Variants in COG1 observed in about 807,000 individuals in gnomAD.
COG1 encodes the protein component of oligomeric golgi complex 1.
A neutral mutation model predicts 102.2 loss-of-function variants in COG1; 61 were observed. The ratio of observed to expected loss-of-function variants is 0.60; its 90% CI spans 0.49 to 0.74. The LOEUF is 0.74. Among genes scored for constraint, COG1 ranks in the 30% least tolerant of loss-of-function variants. COG1 has a pLI of 0.00. For missense variants in COG1, 1,164 were observed against 1,232.1 expected (o/e 0.94, Z 0.83); for synonymous variants, 454 against 493.6 (o/e 0.92, Z 1.06).
At position 73,200,028 on chromosome 17, in the gene COG1, A is replaced by G; in HGVS notation, c.1070+7A>G. 2.5e-6 allele frequency: 4 copies of G among 1,609,112 alleles called. No homozygotes were observed. Among genetic ancestry groups the G allele is most frequent in the South Asian group, 1.1e-5 (1 of 90,100 alleles). ...TGCAGAAATGGATCCACATGTAAGT[A>G]ACCAGAAAGAGCTTCCCTGCAGCTG... On this transcript the variant is annotated splice_region_variant and intron_variant, in intron 5 of 13. Transcript: ENST00000299886.
intron 7 of COG1, among the ~76,000 whole-genome samples, chr17:73,202,751 G>A (rs950852746): frequency 1.3e-5 from 2 of 152,158 alleles, no homozygotes; most frequent in African/African-American, 4.8e-5. Flanking sequence ...TTGTGCCACT[G>A]CAATCAGCCT....
chr17:73,207,931 G>GTT, intron 13 of COG1: 2 of 1,183,270 alleles, frequency 1.7e-6, no homozygotes, highest in Non-Finnish European at 1.1e-6. Context: ...GGAGATGGTA[G>GTT]TTTAAAAAAA....
At chr17:73,207,069 G>A (rs937530794) in intron 12 of COG1, 112 bp from the exon 13 acceptor site, 2 of 941,058 alleles carry the variant, frequency 2.1e-6, no homozygotes, top group Non-Finnish European at 1.6e-6. Flanking sequence ...CTCCAGCCTG[G>A]GCGACAGAAC....
intron 9 of COG1, 83 bp from the exon 10 acceptor site, chr17:73,205,470 T>C: frequency 1.3e-6 from 2 of 1,499,232 alleles, no homozygotes; most frequent in Non-Finnish European, 1.9e-6. Flanking sequence ...AAGCTGAAAC[T>C]CAACCAAAAC....
chr17:73,207,908 G>A lies in COG1; in HGVS notation c.2806-406G>A, dbSNP rs560309960. 6.3e-5 allele frequency: 74 copies of A among 1,183,898 alleles called. No homozygotes were observed. The African/African-American group carries it at 1.1e-3, about 18-fold the overall frequency. 73.3% of individuals were successfully genotyped at this position (1,183,898 alleles called of 1,614,324 possible). A position where few individuals can be genotyped will look rare whatever the true frequency, so the allele number is the denominator to read the frequency against. ...ATCTAAAATCCTTGTCAAGTATCTG[G>A]CTTTAAAAGTTGGGAGATGGTAGTT... On this transcript the variant is annotated intron_variant, in intron 13 of 13. Transcript: ENST00000299886.
chr17:73,198,196 G>A (rs1306456543), intron 4 of COG1, among the ~76,000 whole-genome samples: 5 of 151,880 alleles, frequency 3.3e-5, no homozygotes, highest in East Asian at 1.9e-4. Flanking sequence ...TTGCATGTTC[G>A]GACGTCTGTT....
intron 9 of COG1, among the ~76,000 whole-genome samples, chr17:73,204,599 A>G: frequency 7.8e-6 from 1 of 128,026 alleles, no homozygotes; most frequent in African/African-American, 3.1e-5. Context: ...TCACTCTGTC[A>G]CCCAGGCTGG....
rs575425786 is a variant in COG1, at chr17:73,204,554, C to CTT, written c.2382+783_2382+784dup. Reference sequence around the variant, plus strand: ...GTGTATAATCCCATTTCATTAGTAACTTTTTTTTTTTTTTTTTTTTTTTGA... The same window carrying CTT: ...GTGTATAATCCCATTTCATTAGTAACTTTTTTTTTTTTTTTTTTTTTTTTTGA... On this transcript the variant is annotated intron_variant, in intron 9 of 13. Transcript: ENST00000299886. 4.3e-3 allele frequency among the ~76,000 whole-genome samples: 414 copies of CTT among 95,848 alleles called. 3 individuals are homozygous for CTT. The highest frequency in any genetic ancestry group is 0.014 in the East Asian group (45 of 3,144). The allele number at this position is 95,848 out of a possible 152,430, so 62.9% of individuals were successfully genotyped here. A position where few individuals can be genotyped will look rare whatever the true frequency, so the allele number is the denominator to read the frequency against.
chr17:73,206,416 A>G (rs2061372519), intron 11 of COG1, among the ~76,000 whole-genome samples, 154 bp downstream of exon 11: 1 of 152,204 alleles, frequency 6.6e-6, no homozygotes, highest in Non-Finnish European at 1.5e-5. Context: ...CTGAAAGAGG[A>G]TTAGATAAAA....
At chr17:73,202,520 G>A (rs961511611) in intron 7 of COG1, among the ~76,000 whole-genome samples, 1 of 152,170 alleles carries the variant, frequency 6.6e-6, no homozygotes, top group Non-Finnish European at 1.5e-5. Flanking sequence ...AGGCATGGCG[G>A]CTCATGCCTG....
At chr17:73,199,135 G>A (rs1359430544) in intron 4 of COG1, among the ~76,000 whole-genome samples, 1 of 152,178 alleles carries the variant, frequency 6.6e-6, no homozygotes, top group South Asian at 2.1e-4. Context: ...ACAGTGAACG[G>A]GGCCTCCCAG....
At chr17:73,198,349 TC>T (rs1469425379) in intron 4 of COG1, among the ~76,000 whole-genome samples, 1 of 152,180 alleles carries the variant, frequency 6.6e-6, no homozygotes, top group Non-Finnish European at 1.5e-5. Flanking sequence ...ACATCTGTAA[TC>T]CCAGCACTTT....
intron 10 of COG1, 199 bp from the exon 11 acceptor site, chr17:73,205,955 C>A: frequency 1.6e-6 from 1 of 625,020 alleles, no homozygotes; most frequent in Non-Finnish European, 2.8e-6. Flanking sequence ...TCCTTATAGA[C>A]AGAACGGGGG....
chr17:73,207,898 CA>C (rs1255249581), intron 13 of COG1: 1 of 1,179,952 alleles, frequency 8.5e-7, no homozygotes, highest in Non-Finnish European at 1.1e-6. Context: ...AAATCCTTGT[CA>C]AGTATCTGGC....
chr17:73,206,964 G>A (rs773739348), intron 12 of COG1, 147 bp downstream of exon 12: 30 of 722,944 alleles, frequency 4.1e-5, no homozygotes, highest in Non-Finnish European at 1.4e-5. Context: ...CTGGTGGCAG[G>A]TGCCTATAGT....
chr17:73,201,144 T>G lies in COG1; in HGVS notation c.1317T>G (p.Ser439Arg). 6.2e-7 allele frequency: 1 copy of G among 1,614,184 alleles called. No homozygotes were observed. Among genetic ancestry groups the G allele is most frequent in the East Asian group, 2.2e-5 (1 of 44,888 alleles). ...AAGAAGGCTTTGACTCCATCTCCAGTAGCTCCAAGGAGCTCTTGGTTTCAG... is the reference window on the plus strand; with the variant it reads ...AAGAAGGCTTTGACTCCATCTCCAGGAGCTCCAAGGAGCTCTTGGTTTCAG... ...LTKEGFDSISSSSKELLVSAL... is the reference protein window; with the variant it reads ...LTKEGFDSISRSSKELLVSAL... The change falls in exon 7 of 14, where the codon AGT becomes AGG. Residue 439 changes from serine to arginine, a missense_variant. Ser to Arg is a moderately radical substitution (Grantham distance 110). Coordinates refer to ENST00000299886, the MANE Select transcript of COG1 (RefSeq NM_018714.3).
In COG1 at chr17:73,201,145, A is replaced by G. The variant is rs886053369; in HGVS notation, c.1318A>G (p.Ser440Gly). The change falls in exon 7 of 14, where the codon AGC becomes GGC. Residue 440 changes from serine (S) to glycine (G), a missense_variant. Physicochemically the swap from Ser to Gly is moderately conservative, Grantham distance 56 (BLOSUM62 0). Coordinates refer to ENST00000299886, the MANE Select transcript of COG1 (RefSeq NM_018714.3). ...TKEGFDSISSSSKELLVSALQ... is the reference protein window; with the variant it reads ...TKEGFDSISSGSKELLVSALQ... ...AGAAGGCTTTGACTCCATCTCCAGTAGCTCCAAGGAGCTCTTGGTTTCAGC... is the reference window on the plus strand; with the variant it reads ...AGAAGGCTTTGACTCCATCTCCAGTGGCTCCAAGGAGCTCTTGGTTTCAGC... 6.2e-7 allele frequency: 1 copy of G among 1,614,090 alleles called. No individual in the cohort carries two copies. The highest frequency in any genetic ancestry group is 8.5e-7 in the Non-Finnish European group (1 of 1,180,046).
At position 73,193,196 on chromosome 17, in the gene COG1, C is replaced by T. The variant is rs1244916527; in HGVS notation, c.127C>T (p.His43Tyr). 4 of 1,608,466 alleles carry T rather than the reference C, an allele frequency of 2.5e-6. No individual in the cohort carries two copies. The highest frequency in any genetic ancestry group is 3.4e-6 in the Non-Finnish European group (4 of 1,177,956). ...GCGCCAGGTTCGGGCCGAGATCGAG[C>T]ACAAGAAGGAGGAGCTGCGGCAGAT... The part of the protein sequence containing the change: ...LERQVRAEIE[H>Y]KKEELRQMVG... Residue 43 changes from histidine to tyrosine, a missense_variant, in exon 1 of 14, where the codon CAC (histidine) becomes TAC (tyrosine). Coordinates refer to ENST00000299886, the MANE Select transcript of COG1 (RefSeq NM_018714.3).
At chr17:73,196,357 C>A in intron 1 of COG1, 150 bp from the exon 2 acceptor site, 3 of 1,156,364 alleles carry the variant, frequency 2.6e-6, no homozygotes, top group Admixed American at 1.7e-5. Flanking sequence ...CTCTTCTACA[C>A]TGGGCTTTGA....
Sources: allele counts gnomAD v4.1 joint callset (sites outside exome capture counted in the v4.1 genomes callset), GRCh38; gene constraint gnomAD v4.1.1; transcripts MANE v1.5; gene names NCBI Gene and HGNC (gene_info 2026-07-23, HGNC 2026-07-21).